SNX30: variants seen among roughly 807,000 people sequenced by gnomAD.
SNX30 encodes the protein sorting nexin-30.
SNX30 carries 24 observed loss-of-function variants against 46.4 expected under a neutral mutation model. That is an observed-to-expected ratio of 0.52 (90% CI 0.37 to 0.73). SNX30 has a LOEUF of 0.73. Among genes scored for constraint, SNX30 ranks in the 30% least tolerant of loss-of-function variants. The pLI, the probability that SNX30 is intolerant of heterozygous loss-of-function variation, is 0.00. For synonymous variants in SNX30, 189 were observed against 211.5 expected (o/e 0.89, Z 0.92); for missense variants, 533 against 555.7 (o/e 0.96, Z 0.41).
chr9:112,810,435 A>C (rs1403173841), intron 2 of SNX30, among the ~76,000 whole-genome samples: 2 of 152,122 alleles, frequency 1.3e-5, no homozygotes, highest in Non-Finnish European at 2.9e-5. Context: ...ATATTGCTGT[A>C]AGTGATTGAA....
chr9:112,862,048 G>A (rs1439008712), intron 7 of SNX30, among the ~76,000 whole-genome samples: 1 of 152,226 alleles, frequency 6.6e-6, no homozygotes, highest in Non-Finnish European at 1.5e-5. Flanking sequence ...GTATTCCTCA[G>A]TGCCAAGCAC....
chr9:112,842,196 G>A (rs797004798), intron 6 of SNX30, among the ~76,000 whole-genome samples: 12 of 152,326 alleles, frequency 7.9e-5, no homozygotes, highest in African/African-American at 2.9e-4. Flanking sequence ...GCCTGCCCTG[G>A]CCTCCCAAAA....
chr9:112,780,030 C>T (rs1839821288), intron 1 of SNX30, among the ~76,000 whole-genome samples: 1 of 152,148 alleles, frequency 6.6e-6, no homozygotes, highest in Non-Finnish European at 1.5e-5. Context: ...TGCTGTTAGA[C>T]TAGGGTGTAC....
At chr9:112,825,486 G>A (rs757241488) in intron 3 of SNX30, among the ~76,000 whole-genome samples, 1 of 151,996 alleles carries the variant, frequency 6.6e-6, no homozygotes, top group Non-Finnish European at 1.5e-5. Context: ...TAGAGATGGG[G>A]TCTTGCTATG....
chr9:112,883,685 T>C (rs1841610487), downstream of SNX30, among the ~76,000 whole-genome samples: 1 of 133,364 alleles, frequency 7.5e-6, no homozygotes, highest in Non-Finnish European at 1.5e-5. Flanking sequence ...TTTCTGTTTT[T>C]TTCTTTTTTC....
intron 8 of SNX30, among the ~76,000 whole-genome samples, chr9:112,865,624 CATATAT>C (rs796986603): frequency 0.26 from 20,589 of 78,692 alleles, 2,971 homozygotes; most frequent in African/African-American, 0.34. Context: ...CCTGTCACGC[CATATAT>C]ATATATATAT....
At chr9:112,793,992 T>G (rs1202923552) in intron 1 of SNX30, among the ~76,000 whole-genome samples, 1 of 150,716 alleles carries the variant, frequency 6.6e-6, no homozygotes, top group Non-Finnish European at 1.5e-5. Context: ...TTTGGGATTT[T>G]TCTAGGTTTC....
Position 112,868,854 on chromosome 9 carries a change from T to C in SNX30, c.*11T>C. The C allele has an allele frequency of 6.2e-7, 1 of 1,613,976 alleles. No homozygotes were observed. The highest frequency in any genetic ancestry group is 8.5e-7 in the Non-Finnish European group (1 of 1,179,866). ...CAAGAGGCCAAGTAAAGTTCTTTCT[T>C]GGGACGGAGACTCTTCTACCTACAC... On this transcript the variant is annotated 3_prime_UTR_variant, in exon 9 of 9. Transcript: ENST00000374232.
intron 1 of SNX30, among the ~76,000 whole-genome samples, chr9:112,776,787 C>T (rs1322845222): frequency 6.6e-6 from 1 of 152,204 alleles, no homozygotes; most frequent in Non-Finnish European, 1.5e-5. Flanking sequence ...GGCAGGCCTC[C>T]TTTCAGGATG....
rs767665318 is a variant in SNX30, at chr9:112,871,976, A to C, written c.*3133A>C. The C allele has an allele frequency of 2.6e-5, 4 of 152,196 alleles. No individual in the cohort carries two copies. The highest frequency in any genetic ancestry group is 4.4e-5 in the Non-Finnish European group (3 of 68,040). The allele number at this position is 152,196 out of a possible 1,614,324, so 9.4% of individuals were successfully genotyped here. On this transcript the variant is annotated 3_prime_UTR_variant, in exon 9 of 9. Transcript: ENST00000374232. Reference sequence around the variant, plus strand: ...TGAATCCTGTTCACCTTAAAGTGTGATTATGGAGATGATTGGCTCCATATT... The same window carrying C: ...TGAATCCTGTTCACCTTAAAGTGTGCTTATGGAGATGATTGGCTCCATATT...
At chr9:112,842,007 G>A (rs1480057060) in intron 6 of SNX30, among the ~76,000 whole-genome samples, 2 of 152,120 alleles carry the variant, frequency 1.3e-5, no homozygotes, top group Non-Finnish European at 2.9e-5. Context: ...GCAGTGGCAC[G>A]ATCTTGGCTC....
chr9:112,784,365 C>T (rs1206226840), intron 1 of SNX30, among the ~76,000 whole-genome samples: 1 of 152,186 alleles, frequency 6.6e-6, no homozygotes, highest in Non-Finnish European at 1.5e-5. Context: ...TGCTGCTTAA[C>T]AGCCGTTACC....
chr9:112,879,915 C>T (rs192516154), downstream of SNX30: 14 of 1,211,554 alleles, frequency 1.2e-5, no homozygotes, highest in African/African-American at 1.5e-4. Context: ...ACAAGCCAGG[C>T]TTTAGGCAAA....
At chr9:112,753,265 G>A (rs960578977) in intron 1 of SNX30, among the ~76,000 whole-genome samples, 7 of 152,080 alleles carry the variant, frequency 4.6e-5, no homozygotes, top group South Asian at 2.1e-4. Context: ...CAAATTCCCC[G>A]TACCACCAAG....
chr9:112,873,968 C>T lies in SNX30; in HGVS notation c.*5125C>T, dbSNP rs1016079817. 3.9e-5 allele frequency: 6 copies of T among 152,246 alleles called. No homozygotes were observed. The highest frequency in any genetic ancestry group is 7.3e-5 in the Non-Finnish European group (5 of 68,052). 9.4% of individuals were successfully genotyped at this position (152,246 alleles called of 1,614,324 possible). Reference sequence around the variant, plus strand: ...AGGAGCATTGCATATTCTCTGTCAGCAGCAGCACTCCCACACCAGGTGGTT... The same window carrying T: ...AGGAGCATTGCATATTCTCTGTCAGTAGCAGCACTCCCACACCAGGTGGTT... On this transcript the variant is annotated 3_prime_UTR_variant, in exon 9 of 9. Transcript: ENST00000374232.
intron 7 of SNX30, among the ~76,000 whole-genome samples, chr9:112,855,074 TC>T (rs1251848137): frequency 6.6e-6 from 1 of 152,162 alleles, no homozygotes; most frequent in Admixed American, 6.5e-5. Flanking sequence ...TTCCCCTGCC[TC>T]CCTAGCCCTC....
intron 4 of SNX30, among the ~76,000 whole-genome samples, chr9:112,834,882 A>ACACACACACACACACCCC (rs56385707): frequency 9.5e-6 from 1 of 105,252 alleles, no homozygotes; most frequent in African/African-American, 3.0e-5. Flanking sequence ...ACACACACAC[A>ACACACACACACACACCCC]CCTACCTCAA....
chr9:112,873,227 G>C lies in SNX30; in HGVS notation c.*4384G>C, dbSNP rs1177645645. 1 of 152,152 alleles carries C rather than the reference G, an allele frequency of 6.6e-6. No individual in the cohort carries two copies. The highest frequency in any genetic ancestry group is 2.4e-5 in the African/African-American group (1 of 41,428). 9.4% of individuals were successfully genotyped at this position (152,152 alleles called of 1,614,324 possible). ...TAGTTTTTACTACTACAGAGAGTCT[G>C]TAAATAAGTGCTTTAAAAAAATAAC... On this transcript the variant is annotated 3_prime_UTR_variant, in exon 9 of 9. Coordinates refer to ENST00000374232, the MANE Select transcript of SNX30 (RefSeq NM_001012994.2).
chr9:112,867,220 C>G (rs1334350856), intron 8 of SNX30, among the ~76,000 whole-genome samples: 1 of 149,158 alleles, frequency 6.7e-6, no homozygotes, highest in African/African-American at 2.5e-5. Context: ...TTCCTCCTCC[C>G]TCCTCAGAAC....
Sources: allele counts gnomAD v4.1 joint callset (sites outside exome capture counted in the v4.1 genomes callset), GRCh38; gene constraint gnomAD v4.1.1; transcripts MANE v1.5; gene names NCBI Gene and HGNC (gene_info 2026-07-23, HGNC 2026-07-21).